The following NWD2 variants were observed in gnomAD, a reference collection of about 807,000 sequenced individuals.
The protein encoded by NWD2 is NACHT and WD repeat domain containing 2.
Under a neutral mutation model 132.7 loss-of-function variants are expected in NWD2, and 37 were observed. The observed-to-expected ratio is 0.28, with a 90% CI of 0.21 to 0.37. The LOEUF is 0.37. NWD2 is among the 10% of genes least tolerant of loss of function. NWD2 has a pLI of 1.00. For synonymous variants in NWD2, 705 were observed against 803.0 expected (o/e 0.88, Z 2.06); for missense variants, 1,592 against 2,122.4 (o/e 0.75, Z 4.91).
At chr4:37,432,697 T>C (rs1024153265) in intron 4 of NWD2, among the ~76,000 whole-genome samples, 2 of 152,226 alleles carry the variant, frequency 1.3e-5, no homozygotes, top group Non-Finnish European at 2.9e-5. Context: ...ATATTTTTTC[T>C]TTAACATCTT....
chr4:37,404,246 G>A (rs1026781578), intron 3 of NWD2, among the ~76,000 whole-genome samples: 3 of 152,128 alleles, frequency 2.0e-5, no homozygotes, highest in African/African-American at 7.2e-5. Flanking sequence ...CAATGTCATA[G>A]GAAGTACTCA....
intron 1 of NWD2, among the ~76,000 whole-genome samples, chr4:37,305,417 T>A (rs1560390152): frequency 1.3e-5 from 2 of 152,252 alleles, no homozygotes; most frequent in African/African-American, 2.4e-5. Context: ...CTTTCTTTTC[T>A]ACTACATGGT....
At chr4:37,372,036 T>C (rs1720238853) in intron 3 of NWD2, among the ~76,000 whole-genome samples, 1 of 152,206 alleles carries the variant, frequency 6.6e-6, no homozygotes, top group South Asian at 2.1e-4. Flanking sequence ...TTATATAGTA[T>C]GTTGAAAATA....
intron 3 of NWD2, among the ~76,000 whole-genome samples, chr4:37,414,609 G>A (rs1443782050): frequency 1.3e-5 from 2 of 152,092 alleles, no homozygotes; most frequent in African/African-American, 2.4e-5. Context: ...TTCTATAAAA[G>A]CTGGCTTGCA....
At chr4:37,442,506 G>T (rs1712513231) in intron 6 of NWD2, among the ~76,000 whole-genome samples, 1 of 152,046 alleles carries the variant, frequency 6.6e-6, no homozygotes, top group African/African-American at 2.4e-5. Flanking sequence ...TATCCAGCTT[G>T]GGCCTCAGTT....
At chr4:37,397,044 AG>A (rs1191332962) in intron 3 of NWD2, among the ~76,000 whole-genome samples, 50 of 142,700 alleles carry the variant, frequency 3.5e-4, no homozygotes, top group African/African-American at 1.2e-3. Flanking sequence ...AAAAAAAAAA[AG>A]CGAAGCAACT....
chr4:37,410,963 C>T (rs972108971), intron 3 of NWD2, among the ~76,000 whole-genome samples: 1 of 152,148 alleles, frequency 6.6e-6, no homozygotes, highest in African/African-American at 2.4e-5. Flanking sequence ...GAAGACACAA[C>T]ATACCAGAAT....
intron 1 of NWD2, among the ~76,000 whole-genome samples, chr4:37,304,370 T>C (rs1718667203): frequency 6.6e-6 from 1 of 152,192 alleles, no homozygotes; most frequent in South Asian, 2.1e-4. Flanking sequence ...TCTACCCCGG[T>C]CCTTCCCAAA....
At chr4:37,333,849 A>G (rs1719342193) in intron 2 of NWD2, among the ~76,000 whole-genome samples, 1 of 152,124 alleles carries the variant, frequency 6.6e-6, no homozygotes, top group African/African-American at 2.4e-5. Flanking sequence ...ATGGGATCCT[A>G]TCAGATAAAC....
intron 3 of NWD2, among the ~76,000 whole-genome samples, chr4:37,362,650 C>A (rs1223327014): frequency 2.6e-5 from 4 of 152,094 alleles, no homozygotes; most frequent in African/African-American, 9.7e-5. Flanking sequence ...CTATCCTTCA[C>A]CATACACAAA....
intron 3 of NWD2, among the ~76,000 whole-genome samples, chr4:37,389,565 G>C (rs551211327): frequency 6.6e-6 from 1 of 152,040 alleles, no homozygotes; most frequent in South Asian, 2.1e-4. Flanking sequence ...CATGTTAGTC[G>C]TTCTGGCGCT....
intron 4 of NWD2, among the ~76,000 whole-genome samples, chr4:37,432,912 A>G (rs962590830): frequency 2.0e-5 from 3 of 152,196 alleles, no homozygotes; most frequent in African/African-American, 7.2e-5. Context: ...CAAAGAAGGC[A>G]TGGATATCCA....
intron 1 of NWD2, among the ~76,000 whole-genome samples, chr4:37,306,580 T>C (rs1430093832): frequency 1.3e-5 from 2 of 152,238 alleles, no homozygotes; most frequent in African/African-American, 4.8e-5. Flanking sequence ...GCATGTTGTT[T>C]AATTTCCATG....
At chr4:37,367,353 AT>A (rs556664060) in intron 3 of NWD2, among the ~76,000 whole-genome samples, 72 of 152,284 alleles carry the variant, frequency 4.7e-4, no homozygotes, top group African/African-American at 1.7e-3. Flanking sequence ...ATGGATTTCT[AT>A]TTTTTCAATG....
intron 3 of NWD2, among the ~76,000 whole-genome samples, chr4:37,397,036 A>C (rs954385699): frequency 6.6e-6 from 1 of 151,046 alleles, no homozygotes; most frequent in Non-Finnish European, 1.5e-5. Context: ...TCTGTTGCAA[A>C]AAAAAAAAGC....
intron 1 of NWD2, among the ~76,000 whole-genome samples, chr4:37,322,331 A>G (rs1392941683): frequency 6.6e-6 from 1 of 152,286 alleles, no homozygotes; most frequent in African/African-American, 2.4e-5. Flanking sequence ...CTGTAGATGG[A>G]GTGCTCAGAG....
chr4:37,273,102 C>G (rs1897968), intron 1 of NWD2, among the ~76,000 whole-genome samples: 24,540 of 151,786 alleles, frequency 0.16, 2,543 homozygotes, highest in South Asian at 0.32. Context: ...GCAGCAAATT[C>G]TCTCAGTATT....
chr4:37,434,321 G>A lies in NWD2; in HGVS notation c.706+301G>A, dbSNP rs148442282. Reference sequence around the variant, plus strand: ...TGAGCTGTTCATTCATCACTTACCCGCTTATCCAGCAAATATTAATGGATC... The same window carrying A: ...TGAGCTGTTCATTCATCACTTACCCACTTATCCAGCAAATATTAATGGATC... On this transcript the variant is annotated intron_variant, in intron 5 of 6. Coordinates refer to ENST00000309447, the MANE Select transcript of NWD2 (RefSeq NM_001144990.2). 3.1e-3 allele frequency among the ~76,000 whole-genome samples: 468 copies of A among 152,210 alleles called. 1 individual carries two copies. Among genetic ancestry groups the A allele is most frequent in the Middle Eastern group, 0.017 (5 of 294 alleles).
At chr4:37,281,266 G>A (rs145863280) in intron 1 of NWD2, among the ~76,000 whole-genome samples, 1 of 152,156 alleles carries the variant, frequency 6.6e-6, no homozygotes, top group Non-Finnish European at 1.5e-5. Flanking sequence ...GGGTGTCCTC[G>A]TGTGACAGTT....
Sources: allele counts gnomAD v4.1 joint callset (sites outside exome capture counted in the v4.1 genomes callset), GRCh38; gene constraint gnomAD v4.1.1; transcripts MANE v1.5; gene names NCBI Gene and HGNC (gene_info 2026-07-23, HGNC 2026-07-21).